The following MED23 variants were observed in gnomAD, a reference collection of about 807,000 sequenced individuals.
MED23 encodes the protein mediator complex subunit 23.
MED23 carries 105 observed loss-of-function variants against 163.9 expected under a neutral mutation model. The observed-to-expected ratio is 0.64, with a 90% confidence interval of 0.55 to 0.75. The LOEUF (loss-of-function observed/expected upper bound fraction) is 0.75, where lower values mean the gene tolerates loss of function less well. Ranked by LOEUF, MED23 falls within the 30% of genes least tolerant of loss-of-function variation. MED23 has a pLI of 0.00. For synonymous variants in MED23, 561 were observed against 565.6 expected, an observed-to-expected ratio of 0.99 and a Z score of 0.12; for missense variants, 1,054 against 1,649.0, an observed-to-expected ratio of 0.64 and a Z score of 6.25.
chr6:131,604,461 T>C (rs529868070), intron 14 of MED23, 141 bp from the exon 15 acceptor site: 14 of 979,208 alleles, frequency 1.4e-5, no homozygotes, highest in South Asian at 1.3e-4. Context: ...GTTTAAGCTG[T>C]GCAGGACACT....
In MED23 at chr6:131,590,382, G is replaced by C. The variant is rs1216179472; in HGVS notation, c.3747C>G (p.Tyr1249Ter). 2 of 1,608,360 alleles carry C rather than the reference G, an allele frequency of 1.2e-6. No individual in the cohort carries two copies. Among genetic ancestry groups the C allele is most frequent in the Non-Finnish European group, 1.7e-6 (2 of 1,175,140 alleles). Residue 1249 changes from tyrosine (Y) to a stop codon, truncating the protein, a stop_gained, in exon 27 of 29, where the codon TAC becomes TAG. Coordinates refer to ENST00000368068, the MANE Select transcript of MED23 (RefSeq NM_004830.4). LOFTEE classifies it high-confidence loss of function. The part of the protein sequence containing the change: ...VKTEFQLLYV[Y>*]HLVGPFLQRF... The stretch of plus-strand genomic sequence containing the variant: ...TTTGTAAAAATGGTCCAACAAGATG[G>C]TATACATAAAGCAACTGGAATTCGG...
At chr6:131,604,372 A>C (rs758911330) in intron 14 of MED23, 52 bp from the exon 15 acceptor site, 2 of 1,562,964 alleles carry the variant, frequency 1.3e-6, no homozygotes, top group East Asian at 2.3e-5. Context: ...TGACATAAAC[A>C]TAGGGGCTAC....
At position 131,627,650 on chromosome 6, in the gene MED23, G is replaced by T. The variant is rs745475202; in HGVS notation, c.62C>A (p.Ala21Asp). 6.2e-6 allele frequency: 10 copies of T among 1,600,630 alleles called. No homozygotes were observed. Among genetic ancestry groups the T allele is most frequent in the South Asian group, 1.1e-5 (1 of 90,014 alleles). ...CCACGCATACACTCACCCAGGAAAA[G>T]CCTCTTCTATAACTTCCGTTTTCTG... The part of the protein sequence containing the change: ...EVVKTEVIEE[A>D]FPGMFMDTPE... The change falls in exon 2 of 29, where the codon GCT (alanine) becomes GAT (aspartate). Residue 21 changes from alanine (A) to aspartate (D), a missense_variant. Ala to Asp is a moderately radical substitution (Grantham distance 126). This residue lies in a region of MED23 where 227 missense variants were observed against 235.5 expected (regional missense o/e 0.96). Transcript: ENST00000368068.
At chr6:131,584,696 T>G (rs907242936), downstream of MED23, among the ~76,000 whole-genome samples, 9 of 152,142 alleles carry the variant, frequency 5.9e-5, 1 homozygote, top group South Asian at 1.2e-3. Flanking sequence ...GTGGAAGATA[T>G]TCCTGGCTGG....
intron 4 of MED23, among the ~76,000 whole-genome samples, chr6:131,624,290 T>C (rs1162626575): frequency 6.6e-6 from 1 of 152,202 alleles, no homozygotes; most frequent in Non-Finnish European, 1.5e-5. Flanking sequence ...GTGATACAAT[T>C]TCTGCCTAGC....
rs773664323 is a variant in MED23, at chr6:131,619,796, C to A, written c.667+31G>T. 5.4e-6 allele frequency: 8 copies of A among 1,476,038 alleles called. No homozygotes were observed. The South Asian group carries it at 9.1e-5, about 17-fold the overall frequency. The allele number at this position is 1,476,038 out of a possible 1,614,324, so 91.4% of individuals were successfully genotyped here. On this transcript the variant is annotated intron_variant, in intron 8 of 28. Coordinates refer to ENST00000368068, the MANE Select transcript of MED23 (RefSeq NM_004830.4). Reference sequence around the variant, plus strand: ...TAATTAGATTACTAAAAATCAGGTACTATTTGGCATATTTAAAATTATAAT... The same window carrying A: ...TAATTAGATTACTAAAAATCAGGTAATATTTGGCATATTTAAAATTATAAT...
Position 131,587,610 on chromosome 6 carries a change from G to A in MED23, c.*69C>T. 6.2e-7 allele frequency: 1 copy of A among 1,610,154 alleles called. No individual in the cohort carries two copies. The highest frequency in any genetic ancestry group is 8.5e-7 in the Non-Finnish European group (1 of 1,178,116). ...TATCACTACAGTGTGATCGCATTCA[G>A]ATTTAAAAGGTTTGAGTCCACTCTC... On this transcript the variant is annotated 3_prime_UTR_variant, in exon 29 of 29. Coordinates refer to ENST00000368068, the MANE Select transcript of MED23 (RefSeq NM_004830.4).
At chr6:131,611,697 G>A (rs1562394442) in intron 10 of MED23, among the ~76,000 whole-genome samples, 1 of 152,054 alleles carries the variant, frequency 6.6e-6, no homozygotes, top group African/African-American at 2.4e-5. Flanking sequence ...TACAGAGTCA[G>A]AAAAAATTGT....
chr6:131,627,145 A>G (rs1478568402), intron 3 of MED23: 3 of 452,542 alleles, frequency 6.6e-6, no homozygotes, highest in Non-Finnish European at 1.2e-5. Flanking sequence ...AATTAATCTA[A>G]CATAGGGGAG....
rs139421388 is a variant in MED23, at chr6:131,600,333, T to A, written c.2096-171A>T. Among the ~76,000 whole-genome samples, 71 of 152,354 alleles carry A rather than the reference T, an allele frequency of 4.7e-4. No individual in the cohort carries two copies. In the East Asian group the frequency reaches 0.013, roughly 27 times the overall value. On this transcript the variant is annotated intron_variant, in intron 17 of 28. Transcript: ENST00000368068. Reference sequence around the variant, plus strand: ...CTAAATTTGCTTAGTTTATGAATGATCTGGATGATCACATTAGAAAATATG... The same window carrying A: ...CTAAATTTGCTTAGTTTATGAATGAACTGGATGATCACATTAGAAAATATG...
intron 24 of MED23, chr6:131,592,727 A>G: frequency 1.7e-6 from 1 of 599,418 alleles, no homozygotes; most frequent in South Asian, 2.1e-5. Context: ...AACAAGATGA[A>G]GAGAATCTTG....
At chr6:131,606,657 A>T in intron 12 of MED23, 33 bp from the exon 13 acceptor site, 1 of 1,488,662 alleles carries the variant, frequency 6.7e-7, no homozygotes, top group Non-Finnish European at 9.3e-7. Context: ...ATAACACAAT[A>T]GAAGAAAGAG....
intron 17 of MED23, among the ~76,000 whole-genome samples, chr6:131,601,703 T>C (rs1015473306): frequency 6.6e-6 from 1 of 152,218 alleles, no homozygotes; most frequent in African/African-American, 2.4e-5. Context: ...TGTCTTCCTT[T>C]ACACCAGATA....
rs138217434 is a variant in MED23, at chr6:131,598,230, A to G, written c.2607+57T>C. ...AATATAGAGCAGATTGGCATAACAT[A>G]TATTAGTCATACATCTTGATCTAAG... is the stretch of plus-strand genomic sequence containing the variant. On this transcript the variant is annotated intron_variant, in intron 20 of 28. Coordinates refer to ENST00000368068, the MANE Select transcript of MED23 (RefSeq NM_004830.4). The surrounding 1 kb of genome is among the most constrained non-coding windows in gnomAD (Gnocchi z 4.7). 3.8e-3 allele frequency: 5,672 copies of G among 1,489,478 alleles called. 20 individuals are homozygous for G. Among genetic ancestry groups the G allele is most frequent in the Admixed American group, 4.5e-3 (267 of 59,590 alleles). The allele number at this position is 1,489,478 out of a possible 1,614,324, so 92.3% of individuals were successfully genotyped here. A position where few individuals can be genotyped will look rare whatever the true frequency, so the allele number is the denominator to read the frequency against.
intron 30 of MED23, chr6:131,578,982 A>G: frequency 9.3e-7 from 1 of 1,070,210 alleles, no homozygotes; most frequent in East Asian, 2.6e-5. Flanking sequence ...CAAGATTTAC[A>G]GACCTTTCAG....
intron 10 of MED23, 156 bp downstream of exon 10, chr6:131,615,750 TG>T: frequency 1.5e-6 from 1 of 675,290 alleles, no homozygotes; most frequent in South Asian, 1.7e-5. Context: ...AATATATAAA[TG>T]ATAGGAATAA....
intron 4 of MED23, among the ~76,000 whole-genome samples, chr6:131,623,839 C>G (rs772847653): frequency 2.0e-5 from 3 of 152,254 alleles, no homozygotes; most frequent in Non-Finnish European, 4.4e-5. Flanking sequence ...TACCCAGTCT[C>G]GGGTATATCT....
rs1775210400 is a variant in MED23, at chr6:131,598,172, G to C, written c.2607+115C>G. On this transcript the variant is annotated intron_variant, in intron 20 of 28. Coordinates refer to ENST00000368068, the MANE Select transcript of MED23 (RefSeq NM_004830.4). This position sits in a 1 kb window ranked among gnomAD's most constrained non-coding sequence, Gnocchi z 4.7. ...CTTTAGGGAAGTGACAGCAATGCTTGATATAGTATAAATTCATTAAATCCT... is the reference window on the plus strand; with the variant it reads ...CTTTAGGGAAGTGACAGCAATGCTTCATATAGTATAAATTCATTAAATCCT... 1.0e-5 allele frequency: 11 copies of C among 1,048,368 alleles called. No homozygotes were observed. Among genetic ancestry groups the C allele is most frequent in the African/African-American group, 1.6e-5 (1 of 62,320 alleles). 64.9% of individuals were successfully genotyped at this position (1,048,368 alleles called of 1,614,324 possible).
At chr6:131,616,566 C>T (rs1776703602) in intron 9 of MED23, among the ~76,000 whole-genome samples, 2 of 152,134 alleles carry the variant, frequency 1.3e-5, no homozygotes, top group East Asian at 1.9e-4. Context: ...TGCCTGTAAT[C>T]CCAGCACTTT....
Sources: allele counts gnomAD v4.1 joint callset (sites outside exome capture counted in the v4.1 genomes callset), GRCh38; gene constraint gnomAD v4.1.1; regional missense constraint gnomAD v4.1.1; non-coding constraint Gnocchi (gnomAD v3.1); transcripts MANE v1.5; gene names NCBI Gene and HGNC (gene_info 2026-07-23, HGNC 2026-07-21).